Variants in TVP23C observed in about 807,000 individuals in gnomAD.
TVP23C encodes the protein Golgi apparatus membrane protein TVP23 homolog C.
In TVP23C, 19 loss-of-function variants were observed where a neutral mutation model predicts 28.7. The observed-to-expected ratio is 0.66, with a 90% confidence interval of 0.46 to 0.97. The LOEUF is 0.97. Ranked by LOEUF, TVP23C falls within the 50% of genes least tolerant of loss-of-function variation. The pLI, the probability that TVP23C is intolerant of heterozygous loss-of-function variation, is 0.00. For missense variants in TVP23C, 186 were observed against 241.3 expected, an observed-to-expected ratio of 0.77 and a Z score of 1.52; for synonymous variants, 68 against 81.7, an observed-to-expected ratio of 0.83 and a Z score of 0.90.
intron 5 of TVP23C, among the ~76,000 whole-genome samples, chr17:15,521,238 C>G (rs1252757135): frequency 1.3e-5 from 2 of 152,158 alleles, no homozygotes; most frequent in African/African-American, 4.8e-5. Flanking sequence ...GGTGCGGTGG[C>G]TCACACCTGT....
chr17:15,525,280 C>T (rs1368972349), intron 5 of TVP23C, among the ~76,000 whole-genome samples: 1 of 152,238 alleles, frequency 6.6e-6, no homozygotes, highest in African/African-American at 2.4e-5. Flanking sequence ...CAAAGATAGG[C>T]TTCCTGCTGT....
downstream of TVP23C, among the ~76,000 whole-genome samples, chr17:15,534,973 T>TA (rs1983097787): frequency 6.7e-6 from 1 of 149,618 alleles, no homozygotes; most frequent in African/African-American, 2.5e-5. Context: ...CATGTCAAAA[T>TA]AAAAAAACAA....
chr17:15,546,269 T>C (rs1983642828), intron 4 of TVP23C, among the ~76,000 whole-genome samples: 2 of 152,100 alleles, frequency 1.3e-5, no homozygotes, highest in African/African-American at 2.4e-5. Context: ...ATCACAGTTA[T>C]AATCATTCTG....
Position 15,538,569 on chromosome 17 carries a change from A to T in TVP23C, c.*1843T>A. The T allele has an allele frequency of 1.0e-6, 1 of 975,676 alleles. No individual in the cohort carries two copies. Among genetic ancestry groups the T allele is most frequent in the Non-Finnish European group, 1.2e-6 (1 of 821,264 alleles). 60.4% of individuals were successfully genotyped at this position (975,676 alleles called of 1,614,324 possible). A position where few individuals can be genotyped will look rare whatever the true frequency, so the allele number is the denominator to read the frequency against. On this transcript the variant is annotated 3_prime_UTR_variant, in exon 6 of 6. Coordinates refer to ENST00000518321, the MANE Select transcript of TVP23C (RefSeq NM_001135036.2). ...CGCGCCACTGCACTCCAGCCTGGGCAAACAGAGTGAGACTCTGTCTCAAAA... is the reference window on the plus strand; with the variant it reads ...CGCGCCACTGCACTCCAGCCTGGGCTAACAGAGTGAGACTCTGTCTCAAAA...
chr17:15,507,613 C>T (rs540081459), intron 5 of TVP23C, among the ~76,000 whole-genome samples: 27 of 152,270 alleles, frequency 1.8e-4, no homozygotes, highest in South Asian at 6.2e-4. Context: ...CCGACGCAGG[C>T]GGATCACGAG....
rs1229408674 is a variant in TVP23C at position 15,538,757 on chromosome 17, T to C, written c.*1655A>G. ...CAGGTTTAAGGTTTAATTTCACCTG[T>C]ATTCCATGTTCCTCCCCACCTTCAG... On this transcript the variant is annotated 3_prime_UTR_variant, in exon 6 of 6. Transcript: ENST00000518321. 5.1e-6 allele frequency: 5 copies of C among 985,274 alleles called. No individual in the cohort carries two copies. The highest frequency in any genetic ancestry group is 6.0e-6 in the Non-Finnish European group (5 of 829,938). The allele number at this position is 985,274 out of a possible 1,614,324, so 61.0% of individuals were successfully genotyped here. A position where few individuals can be genotyped will look rare whatever the true frequency, so the allele number is the denominator to read the frequency against.
At chr17:15,529,795 G>A (rs1209939495) in intron 5 of TVP23C, among the ~76,000 whole-genome samples, 1 of 152,008 alleles carries the variant, frequency 6.6e-6, no homozygotes, top group Non-Finnish European at 1.5e-5. Flanking sequence ...TTGCCAATCT[G>A]TTTTTTGTTT....
chr17:15,503,380 G>A (rs758169056), intron 5 of TVP23C: 19 of 994,436 alleles, frequency 1.9e-5, no homozygotes, highest in African/African-American at 3.3e-5. Flanking sequence ...ACTCCAGCCT[G>A]GGCGACAGAG....
At chr17:15,546,045 A>T (rs1567641553) in intron 4 of TVP23C, 129 bp from the exon 5 acceptor site, 1 of 1,321,262 alleles carries the variant, frequency 7.6e-7, no homozygotes. Context: ...CTAAGTTAGA[A>T]CCCAAAAATA....
At chr17:15,551,699 C>T (rs1050793097) in intron 3 of TVP23C, among the ~76,000 whole-genome samples, 6 of 150,676 alleles carry the variant, frequency 4.0e-5, no homozygotes, top group African/African-American at 1.2e-4. Flanking sequence ...TTTTTAAGCT[C>T]ATCAGCTAAT....
At chr17:15,540,789 C>T (rs1357006911) in intron 5 of TVP23C, among the ~76,000 whole-genome samples, 2 of 152,354 alleles carry the variant, frequency 1.3e-5, no homozygotes, top group Non-Finnish European at 2.9e-5. Context: ...ATTTACTGGA[C>T]ACAACTGCTC....
chr17:15,523,913 G>A (rs191134273), intron 5 of TVP23C, among the ~76,000 whole-genome samples: 9 of 152,248 alleles, frequency 5.9e-5, no homozygotes, highest in Middle Eastern at 3.4e-3. Flanking sequence ...GCGCCCAGCC[G>A]CCAGAAGATA....
At chr17:15,549,148 G>C (rs977480333) in intron 3 of TVP23C, among the ~76,000 whole-genome samples, 5 of 151,434 alleles carry the variant, frequency 3.3e-5, no homozygotes, top group African/African-American at 9.7e-5. Context: ...TTATGAAAGG[G>C]GCCCATGGCA....
At chr17:15,559,111 C>G (rs1984263718) in intron 1 of TVP23C, among the ~76,000 whole-genome samples, 1 of 148,048 alleles carries the variant, frequency 6.8e-6, no homozygotes, top group South Asian at 2.2e-4. Flanking sequence ...GAGGCATGAG[C>G]CACCATGCCC....
intron 5 of TVP23C, among the ~76,000 whole-genome samples, chr17:15,515,134 C>T (rs1982169595): frequency 6.6e-6 from 1 of 152,040 alleles, no homozygotes; most frequent in Non-Finnish European, 1.5e-5. Flanking sequence ...GAGTCGATGA[C>T]TGACAGATGT....
intron 5 of TVP23C, 46 bp from the exon 6 acceptor site, chr17:15,540,607 G>C (rs1465917551): frequency 1.9e-6 from 3 of 1,596,300 alleles, no homozygotes; most frequent in East Asian, 4.5e-5. Context: ...GCCTGAAATT[G>C]ACCTTTCTCT....
At chr17:15,562,474 C>T (rs1487715668) in intron 1 of TVP23C, 1 of 152,066 alleles carries the variant, frequency 6.6e-6, no homozygotes, top group African/African-American at 2.4e-5. Flanking sequence ...ACCTCGTCCT[C>T]CCAAAGTGCT....
At chr17:15,507,113 C>G in intron 5 of TVP23C, 3 of 965,878 alleles carry the variant, frequency 3.1e-6, no homozygotes, top group Non-Finnish European at 4.9e-6. Flanking sequence ...AATTTGATGT[C>G]GAGGACTTCA....
exon 6 of TVP23C, chr17:15,502,801 C>G: frequency 2.8e-6 from 4 of 1,449,642 alleles, no homozygotes; most frequent in African/African-American, 3.2e-5. Flanking sequence ...CTCCTCTCTC[C>G]TCTCTCTCCT....
Sources: allele counts gnomAD v4.1 joint callset (sites outside exome capture counted in the v4.1 genomes callset), GRCh38; gene constraint gnomAD v4.1.1; transcripts MANE v1.5; gene names NCBI Gene and HGNC (gene_info 2026-07-23, HGNC 2026-07-21).